PALM2AKAP2: variants seen among roughly 807,000 people sequenced by gnomAD.
PALM2AKAP2 encodes the protein PALM2-AKAP2 fusion protein.
A neutral mutation model predicts 71.5 loss-of-function variants in PALM2AKAP2; 37 were observed. That is an observed-to-expected ratio of 0.52 (90% CI 0.40 to 0.68). The LOEUF (loss-of-function observed/expected upper bound fraction) is 0.68. Ranked by LOEUF, PALM2AKAP2 falls within the 30% of genes least tolerant of loss-of-function variation. The pLI is 0.00. For synonymous variants in PALM2AKAP2, 468 were observed against 478.8 expected, an observed-to-expected ratio of 0.98 and a Z score of 0.29; for missense variants, 1,224 against 1,191.8, an observed-to-expected ratio of 1.03 and a Z score of -0.40.
At chr9:109,665,957 G>C (rs1827476657) in intron 1 of PALM2AKAP2, among the ~76,000 whole-genome samples, 1 of 152,258 alleles carries the variant, frequency 6.6e-6, no homozygotes, top group African/African-American at 2.4e-5. Flanking sequence ...TGCTGCGCTA[G>C]CAGTGAGCAA....
intron 1 of PALM2AKAP2, among the ~76,000 whole-genome samples, chr9:109,744,499 A>G (rs1404240502): frequency 1.3e-5 from 2 of 152,094 alleles, no homozygotes; most frequent in African/African-American, 4.8e-5. Context: ...TTTAAATGGG[A>G]AAGTTTCCAG....
At chr9:109,728,732 T>A (rs942419575) in intron 1 of PALM2AKAP2, among the ~76,000 whole-genome samples, 1 of 152,070 alleles carries the variant, frequency 6.6e-6, no homozygotes, top group Non-Finnish European at 1.5e-5. Context: ...ATAGTTCAAA[T>A]TTTTTTTATT....
chr9:109,680,460 A>T (rs1827711666), intron 1 of PALM2AKAP2, among the ~76,000 whole-genome samples: 1 of 152,214 alleles, frequency 6.6e-6, no homozygotes, highest in African/African-American at 2.4e-5. Context: ...TGTGTTAAGA[A>T]TTGAGAATAC....
At chr9:110,138,921 G>T (rs1036843162) in intron 2 of PALM2AKAP2, among the ~76,000 whole-genome samples, 8 of 152,220 alleles carry the variant, frequency 5.3e-5, no homozygotes, top group Admixed American at 4.6e-4. Flanking sequence ...TCAGTAGCTT[G>T]ACCCTCAGTA....
At chr9:109,810,778 T>C (rs915791391) in intron 1 of PALM2AKAP2, among the ~76,000 whole-genome samples, 1 of 151,394 alleles carries the variant, frequency 6.6e-6, no homozygotes, top group Non-Finnish European at 1.5e-5. Flanking sequence ...AGGAGAGAGA[T>C]GAGACAACTG....
At chr9:110,015,604 C>T (rs1390528075) in intron 6 of PALM2AKAP2, among the ~76,000 whole-genome samples, 1 of 151,902 alleles carries the variant, frequency 6.6e-6, no homozygotes, top group Non-Finnish European at 1.5e-5. Flanking sequence ...GCAACTTGGT[C>T]TCAATAAATA....
At position 109,689,992 on chromosome 9, in the gene PALM2AKAP2, C is replaced by G. The variant is rs142670702; in HGVS notation, c.5+49126C>G. On this transcript the variant is annotated intron_variant, in intron 1 of 6. Coordinates refer to the PALM2AKAP2 transcript ENST00000374531. ...GAGTCTTCCATACAGAAAGAGACAT[C>G]AAGAATGGGGAAGAGTTTTTTTTTT... 1.2e-3 allele frequency among the ~76,000 whole-genome samples: 179 copies of G among 151,964 alleles called. 1 individual carries two copies. Among genetic ancestry groups the G allele is most frequent in the African/African-American group, 4.0e-3 (168 of 41,484 alleles).
At chr9:109,950,878 G>C (rs1043971478) in intron 6 of PALM2AKAP2, among the ~76,000 whole-genome samples, 2 of 152,184 alleles carry the variant, frequency 1.3e-5, no homozygotes, top group Non-Finnish European at 2.9e-5. Context: ...GGAACCTCTC[G>C]GTTTCGAGAT....
At chr9:109,771,935 T>A (rs1420275927) in intron 1 of PALM2AKAP2, 2 of 152,200 alleles carry the variant, frequency 1.3e-5, no homozygotes, top group East Asian at 1.9e-4. Flanking sequence ...CCGCAGCAGA[T>A]AAACAACTGG....
chr9:110,021,721 G>T (rs1348531259), intron 7 of PALM2AKAP2, among the ~76,000 whole-genome samples: 1 of 148,676 alleles, frequency 6.7e-6, no homozygotes, highest in Admixed American at 6.9e-5. Flanking sequence ...CTGTTTTGTT[G>T]CTTGTCCAGA....
exon 4 of PALM2AKAP2, chr9:110,168,953 T>C (rs1836797992): frequency 6.5e-6 from 1 of 153,638 alleles, no homozygotes; most frequent in Admixed American, 6.5e-5. Context: ...ACTTGCAGCA[T>C]CAGAGGGTGT....
At chr9:110,065,945 C>G (rs1267877871) in intron 1 of PALM2AKAP2, among the ~76,000 whole-genome samples, 2 of 152,136 alleles carry the variant, frequency 1.3e-5, no homozygotes, top group African/African-American at 4.8e-5. Flanking sequence ...TTTTGTATAT[C>G]CATTCATTCA....
intron 1 of PALM2AKAP2, among the ~76,000 whole-genome samples, chr9:110,130,806 G>A (rs1175315075): frequency 2.0e-5 from 3 of 152,106 alleles, no homozygotes; most frequent in Admixed American, 6.5e-5. Context: ...CAAAGGGTTC[G>A]CTCTATTGGC....
chr9:109,753,787 T>C (rs1273804191), intron 1 of PALM2AKAP2, among the ~76,000 whole-genome samples: 7 of 152,184 alleles, frequency 4.6e-5, no homozygotes, highest in Non-Finnish European at 8.8e-5. Context: ...ATCCAAGCAT[T>C]GGAGTTCTTC....
chr9:109,897,025 G>C (rs1368846155), intron 3 of PALM2AKAP2, among the ~76,000 whole-genome samples: 1 of 151,990 alleles, frequency 6.6e-6, no homozygotes, highest in Non-Finnish European at 1.5e-5. Flanking sequence ...AAATTATAGT[G>C]ACAGGAAAAT....
At chr9:110,025,259 A>C (rs1365438816) in intron 7 of PALM2AKAP2, 13 of 1,146,690 alleles carry the variant, frequency 1.1e-5, no homozygotes, top group South Asian at 2.4e-5. Context: ...CCTTTCTTAT[A>C]GATTCGCATA....
intron 5 of PALM2AKAP2, among the ~76,000 whole-genome samples, chr9:109,931,669 C>T (rs1183901938): frequency 6.6e-6 from 1 of 152,210 alleles, no homozygotes; most frequent in Non-Finnish European, 1.5e-5. Context: ...CTCCTAGAAT[C>T]TAGAGATTTC....
At chr9:110,031,480 T>C (rs969486201) in intron 7 of PALM2AKAP2, among the ~76,000 whole-genome samples, 2 of 152,174 alleles carry the variant, frequency 1.3e-5, no homozygotes, top group Admixed American at 1.3e-4. Context: ...TGAAATTCGG[T>C]TTAATAAAAT....
chr9:109,841,042 A>T (rs1238704953), intron 1 of PALM2AKAP2, among the ~76,000 whole-genome samples: 2 of 152,234 alleles, frequency 1.3e-5, no homozygotes, highest in African/African-American at 4.8e-5. Context: ...ATTATAAATT[A>T]TGCTGCTACA....
Sources: allele counts gnomAD v4.1 joint callset (sites outside exome capture counted in the v4.1 genomes callset), GRCh38; gene constraint gnomAD v4.1.1; transcripts MANE v1.5; gene names NCBI Gene and HGNC (gene_info 2026-07-23, HGNC 2026-07-21).